Variants in SEMA6D observed in about 807,000 individuals in gnomAD.
SEMA6D encodes the protein semaphorin 6D.
SEMA6D carries 35 observed loss-of-function variants against 106.6 expected under a neutral mutation model. That is an observed-to-expected ratio of 0.33 (90% CI 0.25 to 0.44). The LOEUF (loss-of-function observed/expected upper bound fraction) is 0.44, where lower values mean the gene tolerates loss of function less well. Among genes scored for constraint, SEMA6D ranks in the 20% least tolerant of loss-of-function variants. The probability of loss-of-function intolerance (pLI) is 1.00; values close to 1 mark genes in which losing one functional copy is unlikely to be tolerated. For missense variants in SEMA6D, 1,185 were observed against 1,345.9 expected, an observed-to-expected ratio of 0.88 and a Z score of 1.87; for synonymous variants, 499 against 487.7, an observed-to-expected ratio of 1.02 and a Z score of -0.31.
Position 47,358,031 on chromosome 15 carries a change from A to G in SEMA6D, c.-238-54362A>G, listed in dbSNP as rs548193983. ...AAACATAGCTTTGAAAAAAATCTCC[A>G]TATTTCCGTAGACTTCTGATAGTTT... is the stretch of plus-strand genomic sequence containing the variant. On this transcript the variant is annotated intron_variant, in intron 1 of 19. Coordinates refer to the SEMA6D transcript ENST00000558014. 2.6e-5 allele frequency among the ~76,000 whole-genome samples: 4 copies of G among 152,276 alleles called. No homozygotes were observed. The South Asian group carries it at 6.2e-4, about 24-fold the overall frequency.
chr15:47,252,468 C>G (rs2033577168), intron 1 of SEMA6D, among the ~76,000 whole-genome samples: 1 of 152,082 alleles, frequency 6.6e-6, no homozygotes, highest in Non-Finnish European at 1.5e-5. Flanking sequence ...TGTACTCCCC[C>G]TACTATGTAA....
intron 1 of SEMA6D, among the ~76,000 whole-genome samples, chr15:47,220,495 T>C (rs2031092353): frequency 6.6e-6 from 1 of 152,182 alleles, no homozygotes; most frequent in South Asian, 2.1e-4. Context: ...GCCCAGCTAA[T>C]CATTTGTTGT....
In SEMA6D at chr15:47,761,614, G is replaced by C. The variant is rs759239195; in HGVS notation, c.448-47G>C. ...AATAAAATAGTATTGCCTTCAAACG[G>C]GCACGTTGAATAGATATGACACTGG... On this transcript the variant is annotated intron_variant, in intron 6 of 18. Transcript: ENST00000536845. 8 of 1,427,966 alleles carry C rather than the reference G, an allele frequency of 5.6e-6. No individual in the cohort carries two copies. The African/African-American group carries it at 1.1e-4, about 20-fold the overall frequency. 88.5% of individuals were successfully genotyped at this position (1,427,966 alleles called of 1,614,324 possible). A position where few individuals can be genotyped will look rare whatever the true frequency, so the allele number is the denominator to read the frequency against.
At chr15:47,559,881 C>A (rs1324293542) in intron 3 of SEMA6D, among the ~76,000 whole-genome samples, 1 of 152,030 alleles carries the variant, frequency 6.6e-6, no homozygotes, top group African/African-American at 2.4e-5. Flanking sequence ...GCCTTACTGG[C>A]TGAAGGTGTT....
intron 1 of SEMA6D, among the ~76,000 whole-genome samples, chr15:47,346,410 A>G (rs1158331839): frequency 6.6e-6 from 1 of 152,180 alleles, no homozygotes; most frequent in Non-Finnish European, 1.5e-5. Flanking sequence ...TCTCTGGGCC[A>G]CATGTGGAAA....
At chr15:47,752,461 T>C (rs1449811422) in intron 1 of SEMA6D, among the ~76,000 whole-genome samples, 1 of 152,148 alleles carries the variant, frequency 6.6e-6, no homozygotes, top group East Asian at 1.9e-4. Flanking sequence ...GAGGAAATTA[T>C]AGCAGTAGAG....
chr15:47,461,111 C>T (rs1169196822), intron 2 of SEMA6D, among the ~76,000 whole-genome samples: 1 of 152,082 alleles, frequency 6.6e-6, no homozygotes, highest in East Asian at 1.9e-4. Flanking sequence ...CTTGTCTCAG[C>T]CCAGACCACT....
At chr15:47,274,062 C>T (rs2034687255) in intron 1 of SEMA6D, 1 of 152,066 alleles carries the variant, frequency 6.6e-6, no homozygotes, top group South Asian at 2.1e-4. Flanking sequence ...GCTGAGCAGC[C>T]CACAAAGCCC....
At chr15:47,745,579 T>C (rs369746494) in intron 1 of SEMA6D, among the ~76,000 whole-genome samples, 16 of 152,370 alleles carry the variant, frequency 1.1e-4, no homozygotes, top group African/African-American at 3.8e-4. Context: ...AGAACTTGCA[T>C]GGATTGACCT....
At chr15:47,368,557 G>C (rs281278) in intron 1 of SEMA6D, among the ~76,000 whole-genome samples, 1 of 151,424 alleles carries the variant, frequency 6.6e-6, no homozygotes. Flanking sequence ...TGCAAGCTCC[G>C]CCTCCCGGGT....
chr15:47,193,709 A>C (rs1334424363), intron 1 of SEMA6D, among the ~76,000 whole-genome samples: 1 of 152,150 alleles, frequency 6.6e-6, no homozygotes, highest in Non-Finnish European at 1.5e-5. Context: ...GCCTTTGTGC[A>C]TGCTGTTCCC....
chr15:47,288,131 T>C (rs2035450152), intron 1 of SEMA6D, among the ~76,000 whole-genome samples: 1 of 152,200 alleles, frequency 6.6e-6, no homozygotes, highest in Non-Finnish European at 1.5e-5. Flanking sequence ...GCCCCCGTGA[T>C]CCAAACACTT....
At chr15:47,191,404 T>C (rs955118527) in intron 1 of SEMA6D, among the ~76,000 whole-genome samples, 1 of 152,178 alleles carries the variant, frequency 6.6e-6, no homozygotes, top group Admixed American at 6.5e-5. Flanking sequence ...TTTAACACTT[T>C]TGAATAATTT....
At chr15:47,233,149 A>G (rs2032319280) in intron 1 of SEMA6D, among the ~76,000 whole-genome samples, 1 of 151,974 alleles carries the variant, frequency 6.6e-6, no homozygotes, top group African/African-American at 2.4e-5. Context: ...CCAAATTCAA[A>G]GTTTTGCATG....
intron 1 of SEMA6D, among the ~76,000 whole-genome samples, chr15:47,336,228 G>A (rs764422253): frequency 1.2e-4 from 18 of 152,152 alleles, no homozygotes; most frequent in African/African-American, 2.4e-4. Flanking sequence ...TGATTGTGTC[G>A]TGGGAATGGA....
chr15:47,431,663 A>T (rs2041527668), intron 2 of SEMA6D, among the ~76,000 whole-genome samples: 1 of 152,124 alleles, frequency 6.6e-6, no homozygotes, highest in African/African-American at 2.4e-5. Flanking sequence ...GCATGTGCAT[A>T]TGAGTGAATC....
chr15:47,720,701 C>T (rs1446259547), intron 1 of SEMA6D, among the ~76,000 whole-genome samples: 1 of 152,190 alleles, frequency 6.6e-6, no homozygotes, highest in Admixed American at 6.5e-5. Context: ...GCCATAATTG[C>T]TAAAGACTTA....
At chr15:47,341,753 C>G (rs1567011200) in intron 1 of SEMA6D, among the ~76,000 whole-genome samples, 1 of 152,126 alleles carries the variant, frequency 6.6e-6, no homozygotes, top group African/African-American at 2.4e-5. Flanking sequence ...AAAAATTACT[C>G]AGAGTAAACT....
At chr15:47,259,384 T>G (rs763195534) in intron 1 of SEMA6D, among the ~76,000 whole-genome samples, 6 of 152,212 alleles carry the variant, frequency 3.9e-5, no homozygotes, top group Non-Finnish European at 7.4e-5. Context: ...TTACACTTCT[T>G]TAATGTCTGA....
Sources: gnomAD v4.1 joint callset for allele counts (sites outside exome capture counted in the v4.1 genomes callset) on GRCh38, gnomAD v4.1.1 for gene constraint, MANE v1.5 for transcripts, NCBI Gene and HGNC (gene_info 2026-07-23, HGNC 2026-07-21) for gene names.